KLF8: variants seen among roughly 807,000 people sequenced by gnomAD.
KLF8 encodes Krueppel-like factor 8.
A neutral mutation model predicts 18.2 loss-of-function variants in KLF8; 10 were observed. The observed-to-expected ratio is 0.55, with a 90% CI of 0.34 to 0.93. The LOEUF is 0.93. Among genes scored for constraint, KLF8 ranks in the 40% least tolerant of loss-of-function variants. The probability of loss-of-function intolerance (pLI) is 0.02; values close to 1 mark genes in which losing one functional copy is unlikely to be tolerated. For missense variants in KLF8, 264 were observed against 277.9 expected (o/e 0.95, Z 0.36); for synonymous variants, 109 against 97.3 (o/e 1.12, Z -0.71).
the KLF8 span, among the ~76,000 whole-genome samples, chrX:55,969,795 G>A: frequency 1.8e-5 from 2 of 110,871 alleles, no homozygotes; most frequent in African/African-American, 6.6e-5. Flanking sequence ...AAACATTACA[G>A]GCTAATATAA....
the KLF8 span, among the ~76,000 whole-genome samples, chrX:56,037,548 T>A: frequency 3.6e-5 from 4 of 111,917 alleles, no homozygotes; most frequent in Non-Finnish European, 7.5e-5. Flanking sequence ...GTTCAGGACC[T>A]TCCTTTGTTG....
the KLF8 span, among the ~76,000 whole-genome samples, chrX:55,962,648 G>A: frequency 1.8e-5 from 2 of 112,522 alleles, no homozygotes; most frequent in Non-Finnish European, 3.8e-5. Context: ...AAAAGAACAT[G>A]TAGTGACATA....
At chrX:56,106,689 A>G in the KLF8 span, among the ~76,000 whole-genome samples, 1 of 111,955 alleles carries the variant, frequency 8.9e-6, no homozygotes, top group African/African-American at 3.3e-5. Context: ...GTTTGTTATT[A>G]CCAACCTTCT....
the KLF8 span, among the ~76,000 whole-genome samples, chrX:56,200,483 T>C: frequency 9.0e-6 from 1 of 110,498 alleles, no homozygotes; most frequent in Non-Finnish European, 1.9e-5. Context: ...AAAAATTAAC[T>C]TGCATGGAAT....
At chrX:56,196,009 A>T in the KLF8 span, among the ~76,000 whole-genome samples, 11 of 111,144 alleles carry the variant, frequency 9.9e-5, no homozygotes, top group Non-Finnish European at 1.7e-4. Context: ...GAGAAATAAA[A>T]TTTTTTACAG....
At chrX:55,908,727 T>A in the KLF8 span, 1 of 284,375 alleles carries the variant, frequency 3.5e-6, no homozygotes, top group Non-Finnish European at 6.2e-6. Context: ...AAGAGCTCAA[T>A]CCCGGCCCCG....
At chrX:56,159,565 G>A in the KLF8 span, among the ~76,000 whole-genome samples, 3 of 112,008 alleles carry the variant, frequency 2.7e-5, no homozygotes, top group Admixed American at 9.5e-5. Flanking sequence ...CAATTTCAGA[G>A]CCTGTTATTG....
At chrX:55,911,829 G>T in the KLF8 span, among the ~76,000 whole-genome samples, 4 of 112,043 alleles carry the variant, frequency 3.6e-5, no homozygotes, top group African/African-American at 1.3e-4. Flanking sequence ...AGATAAGGTA[G>T]GTGTGCATGT....
At chrX:56,075,525 T>C in the KLF8 span, among the ~76,000 whole-genome samples, 2 of 111,863 alleles carry the variant, frequency 1.8e-5, no homozygotes, top group Non-Finnish European at 3.8e-5. Context: ...AACAATCCAA[T>C]TACACTCTTT....
At chrX:56,165,806 A>G in the KLF8 span, among the ~76,000 whole-genome samples, 2 of 108,702 alleles carry the variant, frequency 1.8e-5, no homozygotes, top group Admixed American at 9.9e-5. Flanking sequence ...AGCTGTAGTG[A>G]GCTATGATTG....
intron 2 of KLF8, among the ~76,000 whole-genome samples, chrX:56,260,132 C>T (rs1393201780): frequency 9.0e-6 from 1 of 111,370 alleles, no homozygotes; most frequent in East Asian, 2.8e-4. Flanking sequence ...TGGCTCTGTG[C>T]GTTATTCCTC....
rs2066563794 is a variant in KLF8, at chrX:56,242,773, CCT to C, written c.8-7455_8-7454del. On this transcript the variant is annotated intron_variant, in intron 1 of 5. Coordinates refer to ENST00000468660, the MANE Select transcript of KLF8 (RefSeq NM_007250.5). ...TTATTTTTGTGGCAATATGTTTTCT[CCT>C]CTTAAATTCTGTTCTTTTTAACATC... Among the ~76,000 whole-genome samples the C allele has an allele frequency of 2.7e-5, 3 of 111,710 alleles. No homozygotes were observed. In the South Asian group the frequency reaches 1.1e-3, roughly 42 times the overall value.
chrX:56,123,682 A>G, the KLF8 span, among the ~76,000 whole-genome samples: 1 of 112,324 alleles, frequency 8.9e-6, no homozygotes, highest in African/African-American at 3.2e-5. Flanking sequence ...CCCTTCTCAG[A>G]CATTTCTGAA....
chrX:56,090,520 G>T, the KLF8 span, among the ~76,000 whole-genome samples: 2 of 112,020 alleles, frequency 1.8e-5, no homozygotes, highest in Non-Finnish European at 3.8e-5. Context: ...TCTTAGTGGG[G>T]ATAAAATAAT....
chrX:56,069,975 A>G, the KLF8 span, among the ~76,000 whole-genome samples: 1 of 112,835 alleles, frequency 8.9e-6, no homozygotes, highest in African/African-American at 3.2e-5. Flanking sequence ...AGCACTATTC[A>G]CAATAGCAAA....
At chrX:56,100,874 A>G in the KLF8 span, among the ~76,000 whole-genome samples, 1 of 112,409 alleles carries the variant, frequency 8.9e-6, no homozygotes, top group South Asian at 3.7e-4. Flanking sequence ...TAAGTCACAT[A>G]TCATAAACAT....
At chrX:56,113,301 C>A in the KLF8 span, among the ~76,000 whole-genome samples, 2 of 107,493 alleles carry the variant, frequency 1.9e-5, no homozygotes, top group Non-Finnish European at 3.8e-5. Flanking sequence ...GCCATACTTT[C>A]ATGGTTTTTT....
At chrX:55,932,481 T>A in the KLF8 span, among the ~76,000 whole-genome samples, 1 of 111,926 alleles carries the variant, frequency 8.9e-6, no homozygotes, top group African/African-American at 3.2e-5. Flanking sequence ...CTTTACAATT[T>A]GGTATGTTTT....
At chrX:56,207,128 G>A in the KLF8 span, among the ~76,000 whole-genome samples, 1 of 112,389 alleles carries the variant, frequency 8.9e-6, no homozygotes, top group African/African-American at 3.2e-5. Context: ...CCTGGGCCCA[G>A]CCCATGATAT....
Sources: gnomAD v4.1 joint callset for allele counts (sites outside exome capture counted in the v4.1 genomes callset) on GRCh38, gnomAD v4.1.1 for gene constraint, MANE v1.5 for transcripts, NCBI Gene and HGNC (gene_info 2026-07-23, HGNC 2026-07-21) for gene names.